RPL13: variants seen among roughly 807,000 people sequenced by gnomAD.
RPL13 encodes ribosomal protein L13.
In RPL13, 1 loss-of-function variant was observed where a neutral mutation model predicts 21.4. The ratio of observed to expected loss-of-function variants is 0.05; its 90% CI spans 0.02 to 0.22. The LOEUF is 0.22. Among genes scored for constraint, RPL13 ranks in the 10% least tolerant of loss-of-function variants. The pLI is 1.00. For synonymous variants in RPL13, 143 were observed against 120.5 expected (o/e 1.19, Z -1.23); for missense variants, 289 against 303.0 (o/e 0.95, Z 0.34).
Position 89,561,309 on chromosome 16 carries a change from A to G in RPL13, c.187A>G (p.Thr63Ala), listed in dbSNP as rs1456584322. Residue 63 changes from threonine (T) to alanine (A), a missense_variant, in exon 3 of 6, where the codon ACG (threonine) becomes GCG (alanine). Physicochemically the swap from Thr to Ala is moderately conservative, Grantham distance 58. Transcript: ENST00000311528. ...GPIRPIVRCP[T>A]VRYHTKVRAG... Reference sequence around the variant, plus strand: ...CATCCGGCCCATCGTGCGCTGCCCCACGGTTCGGTACCACACGAAGGTGCG... The same window carrying G: ...CATCCGGCCCATCGTGCGCTGCCCCGCGGTTCGGTACCACACGAAGGTGCG... 6.3e-7 allele frequency: 1 copy of G among 1,585,088 alleles called. No homozygotes were observed. The highest frequency in any genetic ancestry group is 8.5e-7 in the Non-Finnish European group (1 of 1,170,548).
chr16:89,561,475 C>T (rs754007202), intron 3 of RPL13, 103 bp from the exon 4 acceptor site: 1 of 1,611,660 alleles, frequency 6.2e-7, no homozygotes, highest in Non-Finnish European at 8.5e-7. Flanking sequence ...TTGATGAAAG[C>T]ACATTTGAAC....
intron 4 of RPL13, chr16:89,562,101 C>T (rs1250789083): frequency 8.4e-6 from 5 of 594,628 alleles, no homozygotes; most frequent in African/African-American, 1.9e-5. Flanking sequence ...CTCTGCCCCG[C>T]CCGTGGTTCA....
At chr16:89,561,542 C>G in intron 3 of RPL13, 36 bp from the exon 4 acceptor site, 1 of 1,613,202 alleles carries the variant, frequency 6.2e-7, no homozygotes, top group South Asian at 1.1e-5. Flanking sequence ...GGAGAAAGCC[C>G]GGGCCTGTCT....
intron 4 of RPL13, chr16:89,562,046 G>A: frequency 3.4e-6 from 2 of 588,988 alleles, no homozygotes; most frequent in East Asian, 5.7e-5. Context: ...TTGATAAAGA[G>A]TCCATTGTAT....
downstream of RPL13, chr16:89,565,282 T>TGTGGG (rs1399040185): frequency 8.1e-6 from 1 of 123,654 alleles, no homozygotes; most frequent in Non-Finnish European, 1.9e-5. Context: ...GGGTCATGGA[T>TGTGGG]GTGGGCTGGG....
chr16:89,563,268 TGTG>T lies in RPL13; in HGVS notation c.*228_*230del. 2.7e-6 allele frequency: 1 copy of T among 374,314 alleles called. No homozygotes were observed. Among genetic ancestry groups the T allele is most frequent in the Non-Finnish European group, 4.7e-6 (1 of 211,278 alleles). 23.2% of individuals were successfully genotyped at this position (374,314 alleles called of 1,614,324 possible). A position where few individuals can be genotyped will look rare whatever the true frequency, so the allele number is the denominator to read the frequency against. The stretch of plus-strand genomic sequence containing the variant: ...AGTGACTGATGTAAAACGGTTTTCT[TGTG>T]GGGAGGTTACAGAGGCTGACTTCAG... On this transcript the variant is annotated 3_prime_UTR_variant, in exon 6 of 6. Coordinates refer to ENST00000311528, the MANE Select transcript of RPL13 (RefSeq NM_000977.4).
chr16:89,565,630 C>G (rs547086302), downstream of RPL13: 1 of 152,308 alleles, frequency 6.6e-6, no homozygotes, highest in African/African-American at 2.4e-5. Context: ...TGGGCCGTGC[C>G]CGAGTGTGGC....
At position 89,560,730 on chromosome 16, in the gene RPL13, C is replaced by T. The variant is rs1046059077; in HGVS notation, c.-21+18C>T. On this transcript the variant is annotated intron_variant, in intron 1 of 5. Transcript: ENST00000311528. ...CGCAGGAGGTGAGGGAGACTGGGTC[C>T]TGGCCTTTGGGCATCATCCAGCGCC... 38 of 498,492 alleles carry T rather than the reference C, an allele frequency of 7.6e-5. No homozygotes were observed. Among genetic ancestry groups the T allele is most frequent in the Admixed American group, 6.4e-4 (16 of 24,810 alleles). 30.9% of individuals were successfully genotyped at this position (498,492 alleles called of 1,614,324 possible). A position where few individuals can be genotyped will look rare whatever the true frequency, so the allele number is the denominator to read the frequency against.
chr16:89,560,890 G>T (rs973197052), intron 1 of RPL13, 50 bp from the exon 2 acceptor site: 20 of 1,412,426 alleles, frequency 1.4e-5, no homozygotes, highest in East Asian at 2.6e-5. Context: ...GCCCGGGGGG[G>T]TGCGCGCGCC....
At chr16:89,566,630 C>G (rs1368539501), downstream of RPL13, 2 of 151,640 alleles carry the variant, frequency 1.3e-5, no homozygotes, top group Non-Finnish European at 2.9e-5. Context: ...CTCCACTGTC[C>G]TCCAGCCTGC....
chr16:89,561,075 G>A lies in RPL13; in HGVS notation c.104+12G>A, dbSNP rs2058739850. 1.3e-6 allele frequency: 2 copies of A among 1,596,846 alleles called. No individual in the cohort carries two copies. Among genetic ancestry groups the A allele is most frequent in the Non-Finnish European group, 8.5e-7 (1 of 1,173,604 alleles). ...CGTAAGATCCGCAGGTGAGCCCTGC[G>A]CTCGGGGCTGCCCCTGGGGCTCGTG... On this transcript the variant is annotated intron_variant, in intron 2 of 5. Coordinates refer to ENST00000311528, the MANE Select transcript of RPL13 (RefSeq NM_000977.4).
intron 4 of RPL13, 77 bp downstream of exon 4, chr16:89,561,828 C>T: frequency 6.7e-7 from 1 of 1,483,518 alleles, no homozygotes; most frequent in Non-Finnish European, 9.2e-7. Flanking sequence ...ACACCGGTCC[C>T]TGGGTCTTGC....
downstream of RPL13, chr16:89,566,268 A>G (rs1051530800): frequency 2.3e-3 from 314 of 134,044 alleles, no homozygotes; most frequent in Middle Eastern, 6.9e-3. Flanking sequence ...ATAGTCTCAG[A>G]AGGCGCTAGT....
At chr16:89,561,807 C>T in intron 4 of RPL13, 56 bp downstream of exon 4, 2 of 1,573,866 alleles carry the variant, frequency 1.3e-6, no homozygotes, top group East Asian at 2.3e-5. Context: ...GGCTTGGCTC[C>T]TTTATCAGTG....
At chr16:89,560,667 T>G, upstream of RPL13, 2 of 337,924 alleles carry the variant, frequency 5.9e-6, no homozygotes, top group Non-Finnish European at 1.1e-5. Context: ...CCAGAGTGCA[T>G]TGCGGGGCCG....
downstream of RPL13, chr16:89,566,240 G>GGGGATAGTCTCAGAAGGCGCTAGTCTCC (rs2058789669): frequency 7.4e-6 from 1 of 136,048 alleles, no homozygotes; most frequent in African/African-American, 2.6e-5. Flanking sequence ...CGCTAGTCAC[G>GGGGATAGTCTCAGAAGGCGCTAGTCTCC]TGCCCCGGTG....
chr16:89,561,533 G>C, intron 3 of RPL13, 45 bp from the exon 4 acceptor site: 1 of 1,613,106 alleles, frequency 6.2e-7, no homozygotes, highest in Non-Finnish European at 8.5e-7. Context: ...CTCGGGGCTG[G>C]AGAAAGCCCG....
intron 2 of RPL13, 63 bp downstream of exon 2, chr16:89,561,126 G>C: frequency 6.5e-7 from 1 of 1,540,416 alleles, no homozygotes; most frequent in Non-Finnish European, 8.7e-7. Flanking sequence ...TGGCTTGCGG[G>C]TGGCCGATGC....
chr16:89,561,566 G>T lies in RPL13; in HGVS notation c.247-12G>T, dbSNP rs1359583491. ...CCGGGCCTGTCTCCATCTCTCTCTG[G>T]TTCTGGGGCAGGTGGCCGGCATTCA... On this transcript the variant is annotated splice_polypyrimidine_tract_variant and intron_variant, in intron 3 of 5. Coordinates refer to ENST00000311528, the MANE Select transcript of RPL13 (RefSeq NM_000977.4). 6.2e-7 allele frequency: 1 copy of T among 1,613,430 alleles called. No homozygotes were observed. Among genetic ancestry groups the T allele is most frequent in the African/African-American group, 1.3e-5 (1 of 75,058 alleles).
Sources: gnomAD v4.1 joint callset for allele counts on GRCh38, gnomAD v4.1.1 for gene constraint, MANE v1.5 for transcripts, NCBI Gene and HGNC (gene_info 2026-07-23, HGNC 2026-07-21) for gene names.